PRDM16: variants seen among roughly 807,000 people sequenced by gnomAD.
The protein encoded by PRDM16 is PR/SET domain 16, also known as histone-lysine N-methyltransferase PRDM16.
In PRDM16, 23 loss-of-function variants were observed where a neutral mutation model predicts 110.6. That is an observed-to-expected ratio of 0.21 (90% CI 0.15 to 0.29). The LOEUF (loss-of-function observed/expected upper bound fraction) is 0.29, where lower values mean the gene tolerates loss of function less well. Ranked by LOEUF, PRDM16 falls within the 10% of genes least tolerant of loss-of-function variation. PRDM16 has a pLI of 1.00. For synonymous variants in PRDM16, 799 were observed against 781.8 expected, an observed-to-expected ratio of 1.02 and a Z score of -0.37; for missense variants, 1,615 against 1,794.3, an observed-to-expected ratio of 0.90 and a Z score of 1.81.
intron 2 of PRDM16, among the ~76,000 whole-genome samples, chr1:3,220,732 G>A (rs758157824): frequency 6.6e-6 from 1 of 152,206 alleles, no homozygotes; most frequent in African/African-American, 2.4e-5. Flanking sequence ...CAGGGGCCTG[G>A]CAAACAGGAA....
chr1:3,229,783 A>G (rs1400349441), intron 2 of PRDM16, among the ~76,000 whole-genome samples: 3 of 152,188 alleles, frequency 2.0e-5, no homozygotes, highest in Non-Finnish European at 4.4e-5. Flanking sequence ...TCTGAGGCTC[A>G]TGGACAGCAG....
rs1569700873 is a variant in PRDM16, at chr1:3,404,787, C to T, written c.933C>T (p.Cys311=). The change falls in exon 7 of 17, where the codon TGC becomes TGT. Residue 311 remains cysteine (C), a synonymous_variant. Coordinates refer to ENST00000270722, the MANE Select transcript of PRDM16 (RefSeq NM_022114.4). ...ACACGGAGGAGCGCGAGTACAAATG[C>T]GACCAGTGTCCCAAGGCCTTCAACT... ...VIHTEEREYK[C]DQCPKAFNWK... is the part of the protein sequence containing the mutation. 5.6e-6 allele frequency: 9 copies of T among 1,613,606 alleles called. No homozygotes were observed. Among genetic ancestry groups the T allele is most frequent in the Non-Finnish European group, 7.6e-6 (9 of 1,179,966 alleles).
intron 1 of PRDM16, among the ~76,000 whole-genome samples, chr1:3,147,864 C>T (rs1643705718): frequency 6.6e-6 from 1 of 152,158 alleles, no homozygotes; most frequent in African/African-American, 2.4e-5. Context: ...AGAGCTGATA[C>T]TGGCCCCTCT....
intron 3 of PRDM16, among the ~76,000 whole-genome samples, chr1:3,296,232 G>A (rs1641086703): frequency 6.6e-6 from 1 of 152,220 alleles, no homozygotes; most frequent in Non-Finnish European, 1.5e-5. Flanking sequence ...CACACGACCA[G>A]TGCCCTCTGG....
rs114972083 is a variant in PRDM16, at chr1:3,434,600, G to A, written c.*789G>A. The A allele has an allele frequency of 6.6e-3, 1,533 of 232,206 alleles. 18 individuals are homozygous for A. Among genetic ancestry groups the A allele is most frequent in the African/African-American group, 0.031 (1,422 of 45,390 alleles). 14.4% of individuals were successfully genotyped at this position (232,206 alleles called of 1,614,324 possible). ...GCAGGGCGCCCTGGGCTGCAGGCCT[G>A]CCCGAGGCTGGGATGGGAAGTGTGC... On this transcript the variant is annotated 3_prime_UTR_variant, in exon 17 of 17. Coordinates refer to ENST00000270722, the MANE Select transcript of PRDM16 (RefSeq NM_022114.4).
At position 3,186,166 on chromosome 1, in the gene PRDM16, G is replaced by A. The variant is rs1447382072; in HGVS notation, c.79G>A (p.Asp27Asn). ...VVNNMYEPNR[D>N]LLASHSAEDE... is the part of the protein sequence containing the mutation. ...AAATAATATGTATGAGCCCAACCGG[G>A]ACCTGCTGGCCAGCCACAGCGCGGA... Residue 27 changes from aspartate to asparagine, a missense_variant, in exon 2 of 17, where the codon GAC becomes AAC. Coordinates refer to ENST00000270722, the MANE Select transcript of PRDM16 (RefSeq NM_022114.4). 6.2e-7 allele frequency: 1 copy of A among 1,612,854 alleles called. No individual in the cohort carries two copies. The highest frequency in any genetic ancestry group is 1.7e-5 in the Admixed American group (1 of 60,030).
chr1:3,287,700 C>T (rs1245381704), intron 3 of PRDM16, among the ~76,000 whole-genome samples: 1 of 127,612 alleles, frequency 7.8e-6, no homozygotes, highest in Non-Finnish European at 1.6e-5. Context: ...CTGGAACCGC[C>T]CCGCCACGCG....
chr1:3,379,756 C>A (rs1569621798), intron 3 of PRDM16, among the ~76,000 whole-genome samples: 1 of 7,616 alleles, frequency 1.3e-4, no homozygotes. Flanking sequence ...CAGCACACCC[C>A]TCCCAACACA....
chr1:3,310,854 T>C (rs1420454392), intron 3 of PRDM16, among the ~76,000 whole-genome samples: 1 of 151,984 alleles, frequency 6.6e-6, no homozygotes, highest in Admixed American at 6.5e-5. Context: ...TGTGTGCACA[T>C]ATAAGTGTGT....
intron 8 of PRDM16, among the ~76,000 whole-genome samples, chr1:3,408,356 G>A (rs144753430): frequency 3.9e-4 from 60 of 152,360 alleles, no homozygotes; most frequent in African/African-American, 1.4e-3. Context: ...GTAAGAGAAG[G>A]GGTGGGTAGA....
chr1:3,294,053 G>C (rs911070285), intron 3 of PRDM16, among the ~76,000 whole-genome samples: 35 of 152,132 alleles, frequency 2.3e-4, no homozygotes, highest in Admixed American at 2.3e-3. Flanking sequence ...TTACTCCCCC[G>C]GGGGCCAGGC....
At position 3,325,295 on chromosome 1, in the gene PRDM16, G is replaced by A. The variant is rs539483155; in HGVS notation, c.439-59857G>A. ...GGGTAGGTGGCCGGGCTCCCAGGAG[G>A]TGTTAGCCGGCCCCAGGGTACGCAC... On this transcript the variant is annotated intron_variant, in intron 3 of 16. Coordinates refer to ENST00000270722, the MANE Select transcript of PRDM16 (RefSeq NM_022114.4). Among the ~76,000 whole-genome samples, 12 of 152,340 alleles carry A rather than the reference G, an allele frequency of 7.9e-5. No individual in the cohort carries two copies. The South Asian group carries it at 1.7e-3, about 21-fold the overall frequency.
chr1:3,225,855 C>T (rs1208590146), intron 2 of PRDM16, among the ~76,000 whole-genome samples: 3 of 152,208 alleles, frequency 2.0e-5, no homozygotes, highest in African/African-American at 4.8e-5. Context: ...CCGGGGCAGC[C>T]AGATGTGTGG....
intron 1 of PRDM16, among the ~76,000 whole-genome samples, chr1:3,114,419 T>C (rs867784912): frequency 5.8e-4 from 44 of 76,344 alleles, no homozygotes; most frequent in East Asian, 2.1e-3. Context: ...CGCACACACA[T>C]GCACACACCA....
chr1:3,425,521 TGGCCCGGCCTGCCATGCAGAGCCGG>T lies in PRDM16; in HGVS notation c.2940-55_2940-31del. Reference sequence around the variant, plus strand: ...CGGGCTCCCTTCCCCCCACCCTCTGTGGCCCGGCCTGCCATGCAGAGCCGGGGCCTGCACTGAGGAGCGCGTGTGC... The same window carrying T: ...CGGGCTCCCTTCCCCCCACCCTCTGTGGCCTGCACTGAGGAGCGCGTGTGC... On this transcript the variant is annotated intron_variant, in intron 12 of 16. Coordinates refer to ENST00000270722, the MANE Select transcript of PRDM16 (RefSeq NM_022114.4). This position sits in a 1 kb window ranked among gnomAD's most constrained non-coding sequence, Gnocchi z 6.9. The T allele has an allele frequency of 6.4e-7, 1 of 1,562,982 alleles. No individual in the cohort carries two copies. The highest frequency in any genetic ancestry group is 8.7e-7 in the Non-Finnish European group (1 of 1,148,018).
chr1:3,432,261 C>A, intron 16 of PRDM16, 121 bp downstream of exon 16: 1 of 785,866 alleles, frequency 1.3e-6, no homozygotes, highest in Non-Finnish European at 2.1e-6. Context: ...CGCAAACGCC[C>A]CCACGCTGCA....
At chr1:3,332,401 G>T (rs1308544463) in intron 3 of PRDM16, among the ~76,000 whole-genome samples, 7 of 150,886 alleles carry the variant, frequency 4.6e-5, no homozygotes, top group Non-Finnish European at 7.4e-5. Context: ...GCAGTGGGGG[G>T]CTCGGGGCTG....
rs142521192 is a variant in PRDM16 at position 3,096,176 on chromosome 1, G to A, written c.37+26880G>A. The stretch of plus-strand genomic sequence containing the variant: ...GCCCCGGTGCTTTGAACCCCCATGT[G>A]GGCAGGAACCTCGGCTTTCCTGCTC... On this transcript the variant is annotated intron_variant, in intron 1 of 16. Transcript: ENST00000270722. 6.6e-5 allele frequency among the ~76,000 whole-genome samples: 10 copies of A among 152,226 alleles called. 1 individual carries two copies. Among genetic ancestry groups the A allele is most frequent in the Admixed American group, 3.9e-4 (6 of 15,298 alleles).
At chr1:3,101,819 C>T (rs772330209) in intron 1 of PRDM16, among the ~76,000 whole-genome samples, 16 of 152,192 alleles carry the variant, frequency 1.1e-4, no homozygotes, top group Admixed American at 5.2e-4. Context: ...TGGTGACATC[C>T]GTGTTAGGGC....
Sources: allele counts gnomAD v4.1 joint callset (sites outside exome capture counted in the v4.1 genomes callset), GRCh38; gene constraint gnomAD v4.1.1; non-coding constraint Gnocchi (gnomAD v3.1); transcripts MANE v1.5; gene names NCBI Gene and HGNC (gene_info 2026-07-23, HGNC 2026-07-21).